The following SCGB2B2 variants were observed in gnomAD, a reference collection of about 807,000 sequenced individuals.
The protein encoded by SCGB2B2 is secretoglobin family 2B member 2.
SCGB2B2 carries 11 observed loss-of-function variants against 7.6 expected under a neutral mutation model. The ratio of observed to expected loss-of-function variants is 1.45; its 90% CI spans 0.91 to 2.40. The LOEUF (loss-of-function observed/expected upper bound fraction) is 2.40, where lower values mean the gene tolerates loss of function less well. SCGB2B2 is among the 30% of genes most tolerant of loss of function. The probability of loss-of-function intolerance (pLI) is 0.00; values close to 1 mark genes in which losing one functional copy is unlikely to be tolerated. For synonymous variants in SCGB2B2, 50 were observed against 48.6 expected, an observed-to-expected ratio of 1.03 and a Z score of -0.12; for missense variants, 104 against 115.4, an observed-to-expected ratio of 0.90 and a Z score of 0.45.
At chr19:34,650,003 T>G (rs1434607243) in intron 1 of SCGB2B2, among the ~76,000 whole-genome samples, 1 of 151,174 alleles carries the variant, frequency 6.6e-6, no homozygotes, top group Admixed American at 6.6e-5. Context: ...TCCTAAGTCA[T>G]CCCCTAAGTG....
At chr19:34,625,236 C>T (rs10418165) in intron 1 of SCGB2B2, among the ~76,000 whole-genome samples, 60,998 of 151,802 alleles carry the variant, frequency 0.4, 13,392 homozygotes, top group Middle Eastern at 0.54. Context: ...ACTGAGGTAC[C>T]GGGTTCATCT....
chr19:34,642,788 GACCA>G (rs1180358890), intron 1 of SCGB2B2, among the ~76,000 whole-genome samples: 1 of 139,292 alleles, frequency 7.2e-6, no homozygotes, highest in African/African-American at 2.7e-5. Flanking sequence ...ACATACAAAT[GACCA>G]ACACGTATAT....
chr19:34,670,728 C>T (rs2067781328), intron 1 of SCGB2B2, among the ~76,000 whole-genome samples: 1 of 152,290 alleles, frequency 6.6e-6, no homozygotes, highest in Middle Eastern at 3.4e-3. Flanking sequence ...GAAATGTTTA[C>T]TGTTGACAAA....
rs116722293 is a variant in SCGB2B2, at chr19:34,672,506, G to A, written c.-2032+3124C>T. Among the ~76,000 whole-genome samples, 369 of 152,274 alleles carry A rather than the reference G, an allele frequency of 2.4e-3. 2 individuals carry two copies. Among genetic ancestry groups the A allele is most frequent in the African/African-American group, 8.5e-3 (353 of 41,542 alleles). The stretch of plus-strand genomic sequence containing the variant: ...AATTTATTTTGTATGTTGTGCTGTC[G>A]TGTAATAAGATAGTGGCCTAGTGTA... On this transcript the variant is annotated intron_variant, in intron 1 of 3. Coordinates refer to ENST00000601241, the MANE Select transcript of SCGB2B2 (RefSeq NM_001025591.4).
intron 1 of SCGB2B2, among the ~76,000 whole-genome samples, chr19:34,610,121 A>T (rs558579442): frequency 1.8e-4 from 27 of 151,886 alleles, no homozygotes; most frequent in Non-Finnish European, 3.5e-4. Context: ...TTTGTTGCTG[A>T]TGTGTAGGAA....
intron 1 of SCGB2B2, among the ~76,000 whole-genome samples, chr19:34,643,279 G>A (rs1466365788): frequency 6.6e-6 from 1 of 152,162 alleles, no homozygotes; most frequent in Non-Finnish European, 1.5e-5. Context: ...AACATGAATG[G>A]AACTGGAGAA....
intron 1 of SCGB2B2, among the ~76,000 whole-genome samples, chr19:34,657,631 G>C (rs2067317629): frequency 6.6e-6 from 1 of 152,162 alleles, no homozygotes; most frequent in Non-Finnish European, 1.5e-5. Context: ...AAGAGACTTA[G>C]ACTCCCACAC....
chr19:34,604,003 T>G (rs1274136023), intron 1 of SCGB2B2, among the ~76,000 whole-genome samples: 1 of 152,182 alleles, frequency 6.6e-6, no homozygotes, highest in African/African-American at 2.4e-5. Flanking sequence ...ATTCATTATT[T>G]GTGTCTTTCC....
At chr19:34,607,545 G>A (rs1021722200) in intron 1 of SCGB2B2, among the ~76,000 whole-genome samples, 4 of 152,148 alleles carry the variant, frequency 2.6e-5, no homozygotes, top group Non-Finnish European at 4.4e-5. Flanking sequence ...CATAAAGGCT[G>A]TACCATTTTA....
chr19:34,588,727 C>G (rs1263085091), downstream of SCGB2B2, among the ~76,000 whole-genome samples: 1 of 152,134 alleles, frequency 6.6e-6, no homozygotes, highest in Admixed American at 6.6e-5. Flanking sequence ...AGTGAAGTCA[C>G]GCAGAGCCCA....
intron 1 of SCGB2B2, among the ~76,000 whole-genome samples, chr19:34,669,941 G>A (rs776719071): frequency 3.9e-5 from 6 of 152,202 alleles, no homozygotes; most frequent in Non-Finnish European, 8.8e-5. Flanking sequence ...GGGTTCCCAT[G>A]GGAAAAGCCA....
At chr19:34,661,891 AT>A (rs1017951878) in intron 1 of SCGB2B2, among the ~76,000 whole-genome samples, 1 of 151,260 alleles carries the variant, frequency 6.6e-6, no homozygotes, top group African/African-American at 2.4e-5. Flanking sequence ...ATTTAATTTA[AT>A]TTTTTTGAGA....
At chr19:34,634,849 G>T in intron 1 of SCGB2B2, 1 of 266,036 alleles carries the variant, frequency 3.8e-6, no homozygotes. Context: ...CACACATAGG[G>T]CCTTTCACCA....
chr19:34,647,371 G>A (rs1298775993), intron 1 of SCGB2B2, among the ~76,000 whole-genome samples: 1 of 152,132 alleles, frequency 6.6e-6, no homozygotes, highest in African/African-American at 2.4e-5. Context: ...GGCCCTTTCT[G>A]CAGGCTCCTT....
intron 1 of SCGB2B2, among the ~76,000 whole-genome samples, chr19:34,603,420 T>A (rs1049126591): frequency 1.3e-5 from 2 of 152,364 alleles, no homozygotes; most frequent in African/African-American, 4.8e-5. Context: ...CTTGCTTTCC[T>A]GACAGTCTTT....
At chr19:34,604,693 C>T (rs2065729869) in intron 1 of SCGB2B2, among the ~76,000 whole-genome samples, 1 of 151,964 alleles carries the variant, frequency 6.6e-6, no homozygotes, top group Non-Finnish European at 1.5e-5. Context: ...TTTTAAAATC[C>T]TTTGAAATTT....
chr19:34,601,165 G>A (rs1484960367), intron 1 of SCGB2B2, among the ~76,000 whole-genome samples: 1 of 152,146 alleles, frequency 6.6e-6, no homozygotes, highest in Non-Finnish European at 1.5e-5. Flanking sequence ...CTACTGCTCT[G>A]TGTCCTCTTT....
rs2065283424 is a variant in SCGB2B2 at position 34,590,928 on chromosome 19, CA to C, written c.*2626del. On this transcript the variant is annotated 3_prime_UTR_variant, in exon 4 of 4. Transcript: ENST00000601241. ...CAATAACATGTTTGTCCAAATTTCT[CA>C]GGGCATTTCTAATTCTTTTCATTTA... is the stretch of plus-strand genomic sequence containing the variant. 6.6e-6 allele frequency among the ~76,000 whole-genome samples: 1 copy of C among 152,200 alleles called. No individual in the cohort carries two copies. Among genetic ancestry groups the C allele is most frequent in the African/African-American group, 2.4e-5 (1 of 41,456 alleles).
intron 1 of SCGB2B2, among the ~76,000 whole-genome samples, chr19:34,609,954 A>C (rs1452690101): frequency 1.3e-5 from 2 of 152,130 alleles, no homozygotes; most frequent in African/African-American, 4.8e-5. Flanking sequence ...AATCATGAAC[A>C]TGAGACATCT....
Sources: gnomAD v4.1 joint callset for allele counts (sites outside exome capture counted in the v4.1 genomes callset) on GRCh38, gnomAD v4.1.1 for gene constraint, MANE v1.5 for transcripts, NCBI Gene and HGNC (gene_info 2026-07-23, HGNC 2026-07-21) for gene names.